Variants in MYO16 observed in about 807,000 individuals in gnomAD.
The protein encoded by MYO16 is unconventional myosin-XVI.
In MYO16, 94 loss-of-function variants were observed where a neutral mutation model predicts 205.3. That is an observed-to-expected ratio of 0.46 (90% CI 0.39 to 0.54). The LOEUF (loss-of-function observed/expected upper bound fraction) is 0.54. Among genes scored for constraint, MYO16 ranks in the 20% least tolerant of loss-of-function variants. MYO16 has a pLI of 0.00. For missense variants in MYO16, 2,315 were observed against 2,387.5 expected, an observed-to-expected ratio of 0.97 and a Z score of 0.63; for synonymous variants, 988 against 954.0, an observed-to-expected ratio of 1.04 and a Z score of -0.66.
intron 13 of MYO16, among the ~76,000 whole-genome samples, chr13:108,885,061 G>A (rs1879802630): frequency 1.3e-5 from 2 of 151,854 alleles, no homozygotes; most frequent in South Asian, 2.1e-4. Flanking sequence ...AGGCACTGAG[G>A]TGGGGGCTCC....
intron 16 of MYO16, among the ~76,000 whole-genome samples, chr13:108,948,554 C>T (rs562227190): frequency 8.7e-4 from 132 of 152,336 alleles, no homozygotes; most frequent in African/African-American, 2.9e-3. Context: ...ACAGTAGGTG[C>T]GGCCTCAGGG....
chr13:108,519,639 ACACACACACC>A, the MYO16 span, among the ~76,000 whole-genome samples: 44 of 149,182 alleles, frequency 2.9e-4, 1 homozygote, highest in Admixed American at 2.4e-3. Context: ...ACACACACAC[ACACACACACC>A]CACACACACA....
chr13:108,528,563 TC>T, the MYO16 span, among the ~76,000 whole-genome samples: 10 of 63,478 alleles, frequency 1.6e-4, no homozygotes, highest in South Asian at 5.5e-4. Flanking sequence ...TCTCCTCTCC[TC>T]TCCTCTCCCC....
chr13:108,881,443 C>G (rs1039067145), intron 12 of MYO16, among the ~76,000 whole-genome samples: 3 of 152,198 alleles, frequency 2.0e-5, no homozygotes, highest in African/African-American at 7.2e-5. Context: ...TGGAGAATGA[C>G]TTTGACGAGT....
At chr13:108,752,672 C>A (rs1728000904) in intron 4 of MYO16, among the ~76,000 whole-genome samples, 1 of 147,326 alleles carries the variant, frequency 6.8e-6, no homozygotes, top group Non-Finnish European at 1.5e-5. Context: ...GACGGAGTCT[C>A]ACTCTGCTGC....
intron 13 of MYO16, among the ~76,000 whole-genome samples, chr13:108,885,614 G>A (rs1879831956): frequency 6.6e-6 from 1 of 152,224 alleles, no homozygotes; most frequent in African/African-American, 2.4e-5. Flanking sequence ...TAACACTGTT[G>A]ACAATAACAA....
In MYO16 at chr13:109,125,230, C is replaced by T. The variant is rs541031052; in HGVS notation, c.3654C>T (p.Tyr1218=). The stretch of plus-strand genomic sequence containing the variant: ...CAGAGGACATGGGGCTGAAAACCTA[C>T]GATGCCCTGGTCATTCAGAATGCTT... The part of the protein sequence containing the change: ...QNTEDMGLKT[Y]DALVIQNASD... Residue 1218 remains tyrosine (Y), a synonymous_variant, in exon 30 of 35, where the codon TAC becomes TAT. Transcript: ENST00000457511. The surrounding 1 kb of genome is among the most constrained non-coding windows in gnomAD (Gnocchi z 4.0). 9.8e-5 allele frequency: 158 copies of T among 1,614,102 alleles called. No individual in the cohort carries two copies. The highest frequency in any genetic ancestry group is 6.9e-4 in the South Asian group (63 of 91,078).
intron 2 of MYO16, among the ~76,000 whole-genome samples, chr13:108,683,801 C>T (rs948010071): frequency 6.6e-6 from 1 of 152,154 alleles, no homozygotes; most frequent in Non-Finnish European, 1.5e-5. Flanking sequence ...GTCCCCTGAA[C>T]TTCTTTTTTG....
intron 21 of MYO16, among the ~76,000 whole-genome samples, chr13:109,006,743 T>C (rs565810325): frequency 2.6e-4 from 40 of 152,312 alleles, no homozygotes; most frequent in African/African-American, 9.4e-4. Context: ...TCTAACCGGC[T>C]TTAAGTTTTG....
rs1047844331 is a variant in MYO16, at chr13:108,975,815, A to G, written c.2369+10913A>G. Reference sequence around the variant, plus strand: ...ACCCTCCATGTGAAATGGAACTTGTATAATAAGCATCACCTAACTTCACAT... The same window carrying G: ...ACCCTCCATGTGAAATGGAACTTGTGTAATAAGCATCACCTAACTTCACAT... On this transcript the variant is annotated intron_variant, in intron 20 of 34. Transcript: ENST00000457511. 3.3e-5 allele frequency among the ~76,000 whole-genome samples: 5 copies of G among 152,192 alleles called. No homozygotes were observed. The South Asian group carries it at 6.2e-4, about 19-fold the overall frequency.
the MYO16 span, among the ~76,000 whole-genome samples, chr13:108,586,065 A>G: frequency 1.3e-5 from 2 of 152,164 alleles, no homozygotes; most frequent in Admixed American, 1.3e-4. Flanking sequence ...GTAGGCATTC[A>G]ATTAGCATTA....
chr13:108,701,870 AAAAC>A (rs1474800186), intron 2 of MYO16, among the ~76,000 whole-genome samples: 76 of 152,304 alleles, frequency 5.0e-4, no homozygotes, highest in Non-Finnish European at 8.4e-4. Context: ...AACAATTATA[AAAAC>A]AAACAAATAG....
chr13:109,187,118 A>G lies in MYO16; in HGVS notation c.5415+7485A>G, dbSNP rs561707981. Among the ~76,000 whole-genome samples, 14 of 152,296 alleles carry G rather than the reference A, an allele frequency of 9.2e-5. No individual in the cohort carries two copies. In the South Asian group the frequency reaches 2.9e-3, roughly 32 times the overall value. On this transcript the variant is annotated intron_variant, in intron 34 of 34. Coordinates refer to ENST00000457511, the MANE Select transcript of MYO16 (RefSeq NM_001198950.3). ...TTTTATTTCCTGGTTGCCAAGCAGTATTTTCACATATTCTCAGACTTGTTA... is the reference window on the plus strand; with the variant it reads ...TTTTATTTCCTGGTTGCCAAGCAGTGTTTTCACATATTCTCAGACTTGTTA...
At chr13:109,149,103 C>T (rs1877505550) in intron 32 of MYO16, among the ~76,000 whole-genome samples, 1 of 152,176 alleles carries the variant, frequency 6.6e-6, no homozygotes, top group African/African-American at 2.4e-5. Context: ...CATTGTTTCT[C>T]TTCTGTCACA....
intron 4 of MYO16, among the ~76,000 whole-genome samples, chr13:108,728,384 T>C (rs1480228447): frequency 6.6e-6 from 1 of 152,130 alleles, no homozygotes; most frequent in East Asian, 1.9e-4. Context: ...CAGAAGTCCA[T>C]TTTTTGTCAC....
intron 1 of MYO16, among the ~76,000 whole-genome samples, chr13:108,597,315 A>C (rs973780925): frequency 6.6e-6 from 1 of 152,186 alleles, no homozygotes; most frequent in Non-Finnish European, 1.5e-5. Context: ...CCCTGTAGCT[A>C]TTCTTACCTA....
the MYO16 span, among the ~76,000 whole-genome samples, chr13:108,534,745 A>ACTC: frequency 4.6e-3 from 685 of 147,760 alleles, 6 homozygotes; most frequent in African/African-American, 0.017. Context: ...TGCTACTACA[A>ACTC]CTCCTCCTCC....
At chr13:108,633,146 G>T (rs76266759) in intron 1 of MYO16, among the ~76,000 whole-genome samples, 1 of 152,140 alleles carries the variant, frequency 6.6e-6, no homozygotes, top group African/African-American at 2.4e-5. Context: ...ACCTAAGAAC[G>T]AATTGTATCA....
chr13:108,840,609 T>A (rs1398187996), intron 9 of MYO16, among the ~76,000 whole-genome samples: 2 of 152,164 alleles, frequency 1.3e-5, no homozygotes, highest in African/African-American at 2.4e-5. Context: ...GCAATCACAG[T>A]TCACTGCAGC....
Sources: gnomAD v4.1 joint callset for allele counts (sites outside exome capture counted in the v4.1 genomes callset) on GRCh38, gnomAD v4.1.1 for gene constraint, Gnocchi (gnomAD v3.1) non-coding constraint, MANE v1.5 for transcripts, NCBI Gene and HGNC (gene_info 2026-07-23, HGNC 2026-07-21) for gene names.